Variants in NRXN2 observed in about 807,000 individuals in gnomAD.
The protein encoded by NRXN2 is neurexin 2.
A neutral mutation model predicts 128.8 loss-of-function variants in NRXN2; 29 were observed. The ratio of observed to expected loss-of-function variants is 0.23; its 90% CI spans 0.17 to 0.31. NRXN2 has a LOEUF of 0.31. Among genes scored for constraint, NRXN2 ranks in the 10% least tolerant of loss-of-function variants. NRXN2 has a pLI of 1.00. For missense variants in NRXN2, 1,881 were observed against 2,452.6 expected, an observed-to-expected ratio of 0.77 and a Z score of 4.92; for synonymous variants, 1,098 against 1,075.2, an observed-to-expected ratio of 1.02 and a Z score of -0.41.
chr11:64,689,979 C>A (rs1024609536), intron 5 of NRXN2, among the ~76,000 whole-genome samples: 1 of 152,196 alleles, frequency 6.6e-6, no homozygotes, highest in South Asian at 2.1e-4. Context: ...AGCCCCCAAG[C>A]AGGCTTAAAG....
At chr11:64,677,626 G>C (rs2051533772) in intron 6 of NRXN2, among the ~76,000 whole-genome samples, 1 of 152,212 alleles carries the variant, frequency 6.6e-6, no homozygotes, top group Non-Finnish European at 1.5e-5. Context: ...AGAGAGGGAA[G>C]GCAGGGGATT....
At chr11:64,699,690 G>A (rs975330515) in intron 2 of NRXN2, among the ~76,000 whole-genome samples, 10 of 152,124 alleles carry the variant, frequency 6.6e-5, no homozygotes, top group African/African-American at 2.4e-4. Context: ...TGGGATTACA[G>A]GCATGAGCCA....
In NRXN2 at chr11:64,630,685, T is replaced by A; in HGVS notation, c.3586-112A>T. 1.6e-6 allele frequency: 2 copies of A among 1,263,490 alleles called. No homozygotes were observed. The highest frequency in any genetic ancestry group is 2.5e-5 in the South Asian group (2 of 79,586). 78.3% of individuals were successfully genotyped at this position (1,263,490 alleles called of 1,614,324 possible). ...AGCTCCGCAGCACTTAAGGCACCTTTCCCAGGTCTCAACCGCTGGAGGAGG... is the reference window on the plus strand; with the variant it reads ...AGCTCCGCAGCACTTAAGGCACCTTACCCAGGTCTCAACCGCTGGAGGAGG... On this transcript the variant is annotated intron_variant, in intron 18 of 22. Coordinates refer to ENST00000265459, the MANE Select transcript of NRXN2 (RefSeq NM_015080.4). The surrounding 1 kb of genome is among the most constrained non-coding windows in gnomAD (Gnocchi z 4.6).
At chr11:64,722,309 C>G (rs979322776) in intron 1 of NRXN2, among the ~76,000 whole-genome samples, 4 of 151,274 alleles carry the variant, frequency 2.6e-5, no homozygotes, top group African/African-American at 9.7e-5. Context: ...AGCCTTCCCC[C>G]GCAAGCTTCC....
chr11:64,645,720 G>A (rs1212262290), intron 17 of NRXN2, among the ~76,000 whole-genome samples: 1 of 152,064 alleles, frequency 6.6e-6, no homozygotes, highest in Non-Finnish European at 1.5e-5. Flanking sequence ...TGGAGAAATT[G>A]AGGTGGTAAG....
chr11:64,692,735 G>T, intron 4 of NRXN2, 112 bp downstream of exon 4: 1 of 1,118,522 alleles, frequency 8.9e-7, no homozygotes, highest in South Asian at 1.2e-5. Context: ...GAAGGTGTCA[G>T]GACAGGTGGA....
chr11:64,650,658 A>G lies in NRXN2; in HGVS notation c.2919-20T>C. The G allele has an allele frequency of 1.9e-6, 3 of 1,612,948 alleles. No individual in the cohort carries two copies. The highest frequency in any genetic ancestry group is 2.5e-6 in the Non-Finnish European group (3 of 1,178,996). ...ATGTACCTGCCCCACAGTAGGGAGG[A>G]GACACTGGGTCAGGGCGGGGGTGAT... On this transcript the variant is annotated intron_variant, in intron 14 of 22. Transcript: ENST00000265459.
At chr11:64,683,635 A>G (rs2052615051) in intron 6 of NRXN2, among the ~76,000 whole-genome samples, 2 of 151,856 alleles carry the variant, frequency 1.3e-5, no homozygotes, top group African/African-American at 4.8e-5. Context: ...AAAAAAAAAA[A>G]AGAAAAGAAA....
At chr11:64,627,957 G>A (rs1342175861) in intron 19 of NRXN2, among the ~76,000 whole-genome samples, 2 of 152,130 alleles carry the variant, frequency 1.3e-5, no homozygotes, top group Non-Finnish European at 2.9e-5. Context: ...GTTCATGTGG[G>A]TATGGATGGT....
chr11:64,641,529 G>A (rs1445573622), intron 17 of NRXN2, among the ~76,000 whole-genome samples: 5 of 151,950 alleles, frequency 3.3e-5, no homozygotes, highest in African/African-American at 1.2e-4. Context: ...GGAGTGATGG[G>A]GGCACAGAGT....
intron 22 of NRXN2, among the ~76,000 whole-genome samples, chr11:64,615,052 G>T (rs2041264238): frequency 6.6e-6 from 1 of 152,200 alleles, no homozygotes; most frequent in Non-Finnish European, 1.5e-5. Flanking sequence ...TTCCTCCTCA[G>T]GGCACAGCAA....
rs1425742182 is a variant in NRXN2, at chr11:64,713,179, G to T, written c.521C>A (p.Pro174His). The T allele has an allele frequency of 2.7e-6, 4 of 1,466,972 alleles. No individual in the cohort carries two copies. Among genetic ancestry groups the T allele is most frequent in the Non-Finnish European group, 3.6e-6 (4 of 1,112,912 alleles). The allele number at this position is 1,466,972 out of a possible 1,614,324, so 90.9% of individuals were successfully genotyped here. Residue 174 changes from proline to histidine, a missense_variant, in exon 2 of 23, where the codon CCC (proline) becomes CAC (histidine). Coordinates refer to ENST00000265459, the MANE Select transcript of NRXN2 (RefSeq NM_015080.4). ...LTLSTVKYEP[P>H]FRGLLANLKL... ...CAGGTTGGCCAAGAGGCCGCGGAAGGGCGGCTCGTACTTGACGGTGCTCAG... is the reference window on the plus strand; with the variant it reads ...CAGGTTGGCCAAGAGGCCGCGGAAGTGCGGCTCGTACTTGACGGTGCTCAG...
At chr11:64,710,652 G>T (rs1053501613) in intron 2 of NRXN2, among the ~76,000 whole-genome samples, 1 of 152,154 alleles carries the variant, frequency 6.6e-6, no homozygotes, top group Non-Finnish European at 1.5e-5. Flanking sequence ...GGCTTTGGGG[G>T]AAGGGTAGAG....
At chr11:64,619,132 C>A (rs2041951312) in intron 22 of NRXN2, among the ~76,000 whole-genome samples, 2 of 152,136 alleles carry the variant, frequency 1.3e-5, no homozygotes, top group Admixed American at 6.5e-5. Flanking sequence ...ACCACATAAT[C>A]TCCCCCAACC....
Position 64,651,366 on chromosome 11 carries a change from G to A in NRXN2, c.2807C>T (p.Ala936Val), listed in dbSNP as rs771976612. Residue 936 changes from alanine (A) to valine (V), a missense_variant, in exon 14 of 23, where the codon GCC becomes GTC. Physicochemically the swap from Ala to Val is moderately conservative, Grantham distance 64. This residue lies in a region of NRXN2 where 390 missense variants were observed against 599.6 expected (regional missense o/e 0.65). Coordinates refer to ENST00000265459, the MANE Select transcript of NRXN2 (RefSeq NM_015080.4). This position sits in a 1 kb window ranked among gnomAD's most constrained non-coding sequence, Gnocchi z 5.9. ...GAAGAAGAGGTGCATGGAAGCATAG[G>A]CTTGGAGCGTGGCGAGTGCCAGGTA... Reference protein sequence around the residue: ...SSYLALATLQAYASMHLFFQF... With the variant: ...SSYLALATLQVYASMHLFFQF... The A allele has an allele frequency of 8.1e-6, 13 of 1,614,108 alleles. No homozygotes were observed. The highest frequency in any genetic ancestry group is 1.0e-5 in the Non-Finnish European group (12 of 1,180,024).
rs1410383231 is a variant in NRXN2, at chr11:64,651,688, G to C, written c.2537-52C>G. 1 of 1,602,938 alleles carries C rather than the reference G, an allele frequency of 6.2e-7. No homozygotes were observed. The highest frequency in any genetic ancestry group is 8.5e-7 in the Non-Finnish European group (1 of 1,174,658). ...GGGGGATGGCTTTGGGGCAGGGCTG[G>C]GGCTTGGGTTCCCAGGAGCCTCCCC... On this transcript the variant is annotated intron_variant, in intron 13 of 22. Coordinates refer to ENST00000265459, the MANE Select transcript of NRXN2 (RefSeq NM_015080.4). This position sits in a 1 kb window ranked among gnomAD's most constrained non-coding sequence, Gnocchi z 5.9.
chr11:64,629,989 A>G (rs1300658104), intron 19 of NRXN2, among the ~76,000 whole-genome samples: 2 of 151,568 alleles, frequency 1.3e-5, no homozygotes, highest in African/African-American at 4.9e-5. Flanking sequence ...GACACGTTTT[A>G]TATTACTTCT....
chr11:64,607,823 G>A lies in NRXN2; in HGVS notation c.4512C>T (p.Ser1504=). 6.2e-7 allele frequency: 1 copy of A among 1,602,188 alleles called. No individual in the cohort carries two copies. The highest frequency in any genetic ancestry group is 2.3e-5 in the East Asian group (1 of 44,174). The change falls in exon 23 of 23, where the codon AGC becomes AGT. Residue 1504 remains serine (S), a synonymous_variant. Transcript: ENST00000265459. ...GFASGEVFDS[S]LPPTDDEDFY... is the part of the protein sequence containing the mutation. Reference sequence around the variant, plus strand: ...AGTCCTCGTCGTCCGTGGGGGGGAGGCTGGAGTCAAAGACCTCCCCGGAGG... The same window carrying A: ...AGTCCTCGTCGTCCGTGGGGGGGAGACTGGAGTCAAAGACCTCCCCGGAGG...
rs902276105 is a variant in NRXN2 at position 64,660,265 on chromosome 11, C to G, written c.2389+67G>C. Reference sequence around the variant, plus strand: ...TGGTGCCACCACCAGCTTCTCCAGACAGAGGCAGGTGTGGGTCAGAGACAA... The same window carrying G: ...TGGTGCCACCACCAGCTTCTCCAGAGAGAGGCAGGTGTGGGTCAGAGACAA... On this transcript the variant is annotated intron_variant, in intron 11 of 22. Transcript: ENST00000265459. The surrounding 1 kb of genome is among the most constrained non-coding windows in gnomAD (Gnocchi z 5.2). The G allele has an allele frequency of 2.6e-5, 41 of 1,552,454 alleles. No individual in the cohort carries two copies. The South Asian group carries it at 3.6e-4, about 13-fold the overall frequency.
Sources: allele counts gnomAD v4.1 joint callset (sites outside exome capture counted in the v4.1 genomes callset), GRCh38; gene constraint gnomAD v4.1.1; regional missense constraint gnomAD v4.1.1; non-coding constraint Gnocchi (gnomAD v3.1); transcripts MANE v1.5; gene names NCBI Gene and HGNC (gene_info 2026-07-23, HGNC 2026-07-21).